Variants in DENND5B observed in about 807,000 individuals in gnomAD.
DENND5B encodes the protein DENN domain containing 5B, also known as DENN domain-containing protein 5B.
In DENND5B, 34 loss-of-function variants were observed where a neutral mutation model predicts 140.6. The ratio of observed to expected loss-of-function variants is 0.24; its 90% CI spans 0.18 to 0.32. DENND5B has a LOEUF of 0.32. Among genes scored for constraint, DENND5B ranks in the 10% least tolerant of loss-of-function variants. The probability of loss-of-function intolerance (pLI) is 1.00; values close to 1 mark genes in which losing one functional copy is unlikely to be tolerated. For synonymous variants in DENND5B, 551 were observed against 562.1 expected (o/e 0.98, Z 0.28); for missense variants, 1,142 against 1,560.2 (o/e 0.73, Z 4.52).
Position 31,590,766 on chromosome 12 carries a change from G to A in DENND5B, c.67C>T (p.His23Tyr). The change falls in exon 1 of 21, where the codon CAC (histidine) becomes TAC (tyrosine). Residue 23 changes from histidine (H) to tyrosine (Y), a missense_variant. By Grantham distance (83) the His-to-Tyr change is moderately conservative. Coordinates refer to ENST00000389082, the MANE Select transcript of DENND5B (RefSeq NM_144973.4). ...GSSPAACRFA[H>Y]YFVLCGIDAD... ...TCGATCCCGCACAGCACGAAGTAGT[G>A]CGCGAAGCGGCAGGCGGCCGGGGAG... The A allele has an allele frequency of 1.4e-6, 2 of 1,395,134 alleles. No individual in the cohort carries two copies. Among genetic ancestry groups the A allele is most frequent in the South Asian group, 1.6e-5 (1 of 64,482 alleles). The allele number at this position is 1,395,134 out of a possible 1,614,324, so 86.4% of individuals were successfully genotyped here.
intron 13 of DENND5B, among the ~76,000 whole-genome samples, chr12:31,410,347 T>C (rs1031592933): frequency 2.0e-5 from 3 of 152,220 alleles, no homozygotes; most frequent in African/African-American, 7.2e-5. Context: ...TAGGTATTAA[T>C]ACATTTAATT....
intron 1 of DENND5B, among the ~76,000 whole-genome samples, chr12:31,533,602 G>A (rs1039970456): frequency 1.2e-4 from 18 of 152,194 alleles, no homozygotes; most frequent in Non-Finnish European, 2.2e-4. Context: ...AAGAGATTAT[G>A]TAAGCAGTGC....
chr12:31,531,757 G>A (rs1838745396), intron 1 of DENND5B, among the ~76,000 whole-genome samples: 1 of 152,212 alleles, frequency 6.6e-6, no homozygotes, highest in South Asian at 2.1e-4. Flanking sequence ...AATACTGACG[G>A]ACCCTGCAAC....
Position 31,392,694 on chromosome 12 carries a change from G to C in DENND5B, c.3259C>G (p.Pro1087Ala). ...ITSLTGKNNK[P>A]NAGQIQEGIG... ...CCTTCTTGTATCTGCCCAGCATTGG[G>C]TTCTGTAAAATAATAAACAGTGGCT... is the stretch of plus-strand genomic sequence containing the variant. The change falls in exon 18 of 21, where the codon CCC becomes GCC. Residue 1087 changes from proline to alanine, a missense_variant and splice_region_variant. Pro to Ala is a conservative substitution (Grantham distance 27). This residue lies in a region of DENND5B where 268 missense variants were observed against 349.2 expected (regional missense o/e 0.77). Coordinates refer to ENST00000389082, the MANE Select transcript of DENND5B (RefSeq NM_144973.4). The C allele has an allele frequency of 6.4e-7, 1 of 1,554,160 alleles. No individual in the cohort carries two copies. The highest frequency in any genetic ancestry group is 8.7e-7 in the Non-Finnish European group (1 of 1,148,040).
chr12:31,529,742 A>T (rs57875265), intron 1 of DENND5B, among the ~76,000 whole-genome samples: 3,795 of 145,528 alleles, frequency 0.026, 113 homozygotes, highest in African/African-American at 0.083. Context: ...AATTTTTTTT[A>T]AAAAAGAAAA....
intron 1 of DENND5B, among the ~76,000 whole-genome samples, chr12:31,568,463 A>T (rs1949707472): frequency 6.6e-6 from 1 of 152,204 alleles, no homozygotes; most frequent in Non-Finnish European, 1.5e-5. Context: ...AATTAGTCTC[A>T]GTAATCAGTT....
intron 5 of DENND5B, among the ~76,000 whole-genome samples, chr12:31,450,849 G>A (rs578025058): frequency 1.6e-4 from 24 of 152,028 alleles, no homozygotes; most frequent in Non-Finnish European, 2.6e-4. Flanking sequence ...ACTGTACCCT[G>A]GTGACCTAAA....
chr12:31,569,991 C>A (rs1033961745), intron 1 of DENND5B, among the ~76,000 whole-genome samples: 1 of 151,818 alleles, frequency 6.6e-6, no homozygotes, highest in Non-Finnish European at 1.5e-5. Context: ...GTCAGGAGAT[C>A]GAGACCATCC....
intron 1 of DENND5B, among the ~76,000 whole-genome samples, chr12:31,496,675 G>T (rs1946771075): frequency 6.6e-6 from 1 of 152,008 alleles, no homozygotes; most frequent in Non-Finnish European, 1.5e-5. Flanking sequence ...ACCAGCCTGG[G>T]CAACATGGTG....
chr12:31,470,187 T>C (rs1399732375), intron 3 of DENND5B, among the ~76,000 whole-genome samples: 1 of 142,848 alleles, frequency 7.0e-6, no homozygotes, highest in Admixed American at 7.6e-5. Context: ...CGATCTCGGC[T>C]CACTGCAGTC....
chr12:31,403,195 C>A (rs1453321893), intron 14 of DENND5B, among the ~76,000 whole-genome samples: 1 of 152,060 alleles, frequency 6.6e-6, no homozygotes, highest in African/African-American at 2.4e-5. Context: ...AACAATGGAA[C>A]CTCCACTCTG....
At chr12:31,548,298 G>A (rs1391956916) in intron 1 of DENND5B, among the ~76,000 whole-genome samples, 6 of 151,838 alleles carry the variant, frequency 4.0e-5, no homozygotes, top group African/African-American at 1.2e-4. Flanking sequence ...GGAAAGCTGA[G>A]GTATAGGATC....
chr12:31,529,305 A>G (rs1948200580), intron 1 of DENND5B, among the ~76,000 whole-genome samples: 1 of 152,220 alleles, frequency 6.6e-6, no homozygotes, highest in South Asian at 2.1e-4. Context: ...AACCTCAGTC[A>G]TCCTAAGATT....
rs575006373 is a variant in DENND5B at position 31,437,238 on chromosome 12, GT to G, written c.2013-3991del. Among the ~76,000 whole-genome samples the G allele has an allele frequency of 4.9e-3, 741 of 151,632 alleles. 5 individuals carry two copies. The highest frequency in any genetic ancestry group is 8.2e-3 in the Non-Finnish European group (557 of 67,934). ...GCTCACTGCAAGCTCTGCCTCCCGGGTTCATGCCATTCTCCTGCCTCAGCCT... is the reference window on the plus strand; with the variant it reads ...GCTCACTGCAAGCTCTGCCTCCCGGGTCATGCCATTCTCCTGCCTCAGCCT... On this transcript the variant is annotated intron_variant, in intron 7 of 20. Coordinates refer to ENST00000389082, the MANE Select transcript of DENND5B (RefSeq NM_144973.4).
intron 3 of DENND5B, among the ~76,000 whole-genome samples, chr12:31,464,239 C>T (rs554432003): frequency 6.6e-6 from 1 of 152,272 alleles, no homozygotes; most frequent in South Asian, 2.1e-4. Flanking sequence ...TGCAGTAAGA[C>T]CACTTGCTTG....
chr12:31,498,144 CCTTCACCTA>C (rs1946859518), intron 1 of DENND5B, among the ~76,000 whole-genome samples: 1 of 152,138 alleles, frequency 6.6e-6, no homozygotes, highest in African/African-American at 2.4e-5. Flanking sequence ...GAAACCCTCT[CCTTCACCTA>C]CCCTCTAACA....
At chr12:31,510,910 C>T (rs1947386281) in intron 1 of DENND5B, among the ~76,000 whole-genome samples, 1 of 152,074 alleles carries the variant, frequency 6.6e-6, no homozygotes, top group African/African-American at 2.4e-5. Context: ...TCCATGTCTG[C>T]CTATTAGGCT....
At chr12:31,546,376 A>C (rs749210099) in intron 1 of DENND5B, among the ~76,000 whole-genome samples, 1 of 152,010 alleles carries the variant, frequency 6.6e-6, no homozygotes, top group Non-Finnish European at 1.5e-5. Context: ...TGAGTAATAC[A>C]TATTTAGTGG....
At position 31,536,835 on chromosome 12, in the gene DENND5B, A is replaced by C. The variant is rs1948512951; in HGVS notation, c.128-40916T>G. On this transcript the variant is annotated intron_variant, in intron 1 of 20. Coordinates refer to ENST00000389082, the MANE Select transcript of DENND5B (RefSeq NM_144973.4). ...TAAAGAAAGAATCCTAAAAGCAGCA[A>C]CAGAAAAGAAACAATATACAACTGA... 3.3e-5 allele frequency among the ~76,000 whole-genome samples: 5 copies of C among 152,318 alleles called. No homozygotes were observed. In the South Asian group the frequency reaches 1.0e-3, roughly 32 times the overall value.
Sources: gnomAD v4.1 joint callset for allele counts (sites outside exome capture counted in the v4.1 genomes callset) on GRCh38, gnomAD v4.1.1 for gene constraint, gnomAD v4.1.1 regional missense constraint, MANE v1.5 for transcripts, NCBI Gene and HGNC (gene_info 2026-07-23, HGNC 2026-07-21) for gene names.